IGSF21: variants seen among roughly 807,000 people sequenced by gnomAD.
The protein encoded by IGSF21 is immunoglobin superfamily member 21, also known as immunoglobulin superfamily member 21.
In IGSF21, 28 loss-of-function variants were observed where a neutral mutation model predicts 46.8. The ratio of observed to expected loss-of-function variants is 0.60; its 90% CI spans 0.44 to 0.82. The LOEUF is 0.82. Among genes scored for constraint, IGSF21 ranks in the 40% least tolerant of loss-of-function variants. The pLI, the probability that IGSF21 is intolerant of heterozygous loss-of-function variation, is 0.00. For synonymous variants in IGSF21, 284 were observed against 273.6 expected (o/e 1.04, Z -0.38); for missense variants, 624 against 665.5 (o/e 0.94, Z 0.69).
chr1:18,299,158 G>T (rs753512285), intron 3 of IGSF21, among the ~76,000 whole-genome samples: 9 of 152,180 alleles, frequency 5.9e-5, no homozygotes, highest in Admixed American at 6.5e-5. Context: ...TGATTCTCTG[G>T]TCAGAGGGCC....
chr1:18,134,830 C>T (rs922381084), intron 1 of IGSF21, among the ~76,000 whole-genome samples: 13 of 152,214 alleles, frequency 8.5e-5, no homozygotes, highest in African/African-American at 1.4e-4. Flanking sequence ...CAGACCGGGG[C>T]CTCAGTCAGT....
chr1:18,307,253 C>T (rs1376794788), intron 3 of IGSF21, among the ~76,000 whole-genome samples: 1 of 152,120 alleles, frequency 6.6e-6, no homozygotes, highest in Non-Finnish European at 1.5e-5. Context: ...CCCAACCCTG[C>T]CAGGGGCTTT....
intron 2 of IGSF21, among the ~76,000 whole-genome samples, chr1:18,288,216 C>T (rs1009847404): frequency 6.6e-6 from 1 of 152,074 alleles, no homozygotes; most frequent in Non-Finnish European, 1.5e-5. Flanking sequence ...TGCTCCAAAG[C>T]CTCCCATAGA....
At chr1:18,302,302 G>C (rs2085370304) in intron 3 of IGSF21, among the ~76,000 whole-genome samples, 1 of 152,024 alleles carries the variant, frequency 6.6e-6, no homozygotes, top group Admixed American at 6.6e-5. Flanking sequence ...TCTCCTGCTG[G>C]CTCCCACCTG....
chr1:18,300,245 AC>A (rs1332751935), intron 3 of IGSF21, among the ~76,000 whole-genome samples: 2 of 152,020 alleles, frequency 1.3e-5, no homozygotes, highest in Non-Finnish European at 2.9e-5. Flanking sequence ...GACCTGGGGA[AC>A]CTGGAATTCA....
intron 2 of IGSF21, among the ~76,000 whole-genome samples, chr1:18,257,756 C>G (rs1474127575): frequency 6.6e-6 from 1 of 152,176 alleles, no homozygotes; most frequent in Middle Eastern, 3.2e-3. Flanking sequence ...GCACAGACAT[C>G]TACAAAAAGG....
chr1:18,330,227 T>G (rs995654761), intron 3 of IGSF21, among the ~76,000 whole-genome samples: 7 of 152,068 alleles, frequency 4.6e-5, no homozygotes, highest in Non-Finnish European at 8.8e-5. Context: ...AAATTTTAGA[T>G]GAGGTGCTGA....
chr1:18,246,028 T>C (rs1477394157), intron 2 of IGSF21, among the ~76,000 whole-genome samples: 2 of 152,228 alleles, frequency 1.3e-5, no homozygotes, highest in African/African-American at 2.4e-5. Flanking sequence ...CCCTGCAACC[T>C]GGCCTTGAAT....
At chr1:18,266,988 G>A (rs1372522304) in intron 2 of IGSF21, among the ~76,000 whole-genome samples, 1 of 152,116 alleles carries the variant, frequency 6.6e-6, no homozygotes, top group Non-Finnish European at 1.5e-5. Flanking sequence ...ACTAATAAGG[G>A]AGACAATATT....
intron 2 of IGSF21, among the ~76,000 whole-genome samples, chr1:18,284,045 A>G (rs2085188807): frequency 6.6e-6 from 1 of 152,190 alleles, no homozygotes; most frequent in East Asian, 1.9e-4. Context: ...GAAATTTAGA[A>G]GAGATGAGTC....
intron 1 of IGSF21, among the ~76,000 whole-genome samples, chr1:18,129,892 G>A (rs569208339): frequency 7.9e-5 from 12 of 152,114 alleles, no homozygotes; most frequent in African/African-American, 2.4e-4. Flanking sequence ...CCTTCCGCGC[G>A]CCTTCCAACA....
chr1:18,327,203 A>G (rs1030555786), intron 3 of IGSF21, among the ~76,000 whole-genome samples: 6 of 152,172 alleles, frequency 3.9e-5, no homozygotes, highest in Admixed American at 3.9e-4. Flanking sequence ...ACACTTAGAA[A>G]GTAGGAATAG....
rs543965761 is a variant in IGSF21 at position 18,299,565 on chromosome 1, A to G, written c.305+7578A>G. 3.3e-5 allele frequency among the ~76,000 whole-genome samples: 5 copies of G among 152,300 alleles called. No individual in the cohort carries two copies. In the East Asian group the frequency reaches 9.7e-4, roughly 29 times the overall value. ...TGCTTGCCACATGAAGTGGTCATTC[A>G]TTTATTGATTCTTTTGACCACTCAG... On this transcript the variant is annotated intron_variant, in intron 3 of 9. Coordinates refer to ENST00000251296, the MANE Select transcript of IGSF21 (RefSeq NM_032880.5).
At chr1:18,268,363 A>G (rs1391049274) in intron 2 of IGSF21, among the ~76,000 whole-genome samples, 1 of 152,154 alleles carries the variant, frequency 6.6e-6, no homozygotes, top group Non-Finnish European at 1.5e-5. Flanking sequence ...ACAGCTTCTT[A>G]CCACAAGGTA....
intron 1 of IGSF21, among the ~76,000 whole-genome samples, chr1:18,167,453 A>G (rs1222465724): frequency 6.6e-6 from 1 of 152,106 alleles, no homozygotes; most frequent in Non-Finnish European, 1.5e-5. Context: ...GAACCTGGGG[A>G]GCCTAAATTC....
intron 4 of IGSF21, among the ~76,000 whole-genome samples, chr1:18,342,875 A>G (rs1323780975): frequency 1.3e-5 from 2 of 152,204 alleles, no homozygotes; most frequent in African/African-American, 4.8e-5. Context: ...TTTGGCTATT[A>G]TGAACAATGC....
chr1:18,195,645 T>G (rs1214006138), intron 1 of IGSF21, among the ~76,000 whole-genome samples: 2 of 152,222 alleles, frequency 1.3e-5, no homozygotes, highest in African/African-American at 4.8e-5. Flanking sequence ...TCTTTGGACC[T>G]CCTCAAGACC....
intron 1 of IGSF21, among the ~76,000 whole-genome samples, chr1:18,219,649 A>G (rs1368701050): frequency 2.0e-5 from 3 of 152,162 alleles, no homozygotes; most frequent in Admixed American, 2.0e-4. Flanking sequence ...TCCAAGAAGT[A>G]GATTGGTGTG....
chr1:18,207,057 C>T (rs1240214438), intron 1 of IGSF21, among the ~76,000 whole-genome samples: 3 of 152,158 alleles, frequency 2.0e-5, no homozygotes, highest in South Asian at 2.1e-4. Context: ...AGCAAGAATC[C>T]ACTTCCAAAC....
Sources: allele counts gnomAD v4.1 joint callset (sites outside exome capture counted in the v4.1 genomes callset), GRCh38; gene constraint gnomAD v4.1.1; transcripts MANE v1.5; gene names NCBI Gene and HGNC (gene_info 2026-07-23, HGNC 2026-07-21).